RPL37: variants seen among roughly 807,000 people sequenced by gnomAD.
RPL37 encodes the protein ribosomal protein L37.
A neutral mutation model predicts 14.8 loss-of-function variants in RPL37; 1 was observed. The ratio of observed to expected loss-of-function variants is 0.07; its 90% confidence interval spans 0.02 to 0.32. RPL37 has a LOEUF of 0.32. Among genes scored for constraint, RPL37 ranks in the 10% least tolerant of loss-of-function variants. The pLI, the probability that RPL37 is intolerant of heterozygous loss-of-function variation, is 1.00. For synonymous variants in RPL37, 53 were observed against 45.8 expected, an observed-to-expected ratio of 1.16 and a Z score of -0.63; for missense variants, 100 against 128.3, an observed-to-expected ratio of 0.78 and a Z score of 1.06.
intron 1 of RPL37, 32 bp downstream of exon 1, chr5:40,835,151 C>T: frequency 6.2e-7 from 1 of 1,614,002 alleles, no homozygotes; most frequent in Non-Finnish European, 8.5e-7. Context: ...GAGGATGGAA[C>T]GCGATTCACA....
In RPL37 at chr5:40,831,110, C is replaced by G. The variant is rs992461290; in HGVS notation, c.*1394G>C. On this transcript the variant is annotated 3_prime_UTR_variant, in exon 4 of 4. Coordinates refer to ENST00000274242, the MANE Select transcript of RPL37 (RefSeq NM_000997.5). ...TACAAAAAGAATTAGTCGAGTGAAT[C>G]TCCATCTCTACAAAAAACACAAAAA... The G allele has an allele frequency of 6.6e-6, 1 of 152,012 alleles. No homozygotes were observed. Among genetic ancestry groups the G allele is most frequent in the African/African-American group, 2.4e-5 (1 of 41,386 alleles). The allele number at this position is 152,012 out of a possible 1,614,324, so 9.4% of individuals were successfully genotyped here.
At chr5:40,832,821 T>G in intron 3 of RPL37, 1 of 533,268 alleles carries the variant, frequency 1.9e-6, no homozygotes, top group Non-Finnish European at 3.5e-6. Context: ...TATTTGGCTA[T>G]ACTAGTCATT....
Position 40,831,106 on chromosome 5 carries a change from G to C in RPL37, c.*1398C>G, listed in dbSNP as rs1258565311. 1 of 152,060 alleles carries C rather than the reference G, an allele frequency of 6.6e-6. No individual in the cohort carries two copies. Among genetic ancestry groups the C allele is most frequent in the African/African-American group, 2.4e-5 (1 of 41,404 alleles). 9.4% of individuals were successfully genotyped at this position (152,060 alleles called of 1,614,324 possible). A position where few individuals can be genotyped will look rare whatever the true frequency, so the allele number is the denominator to read the frequency against. On this transcript the variant is annotated 3_prime_UTR_variant, in exon 4 of 4. Transcript: ENST00000274242. Reference sequence around the variant, plus strand: ...AGAATACAAAAAGAATTAGTCGAGTGAATCTCCATCTCTACAAAAAACACA... The same window carrying C: ...AGAATACAAAAAGAATTAGTCGAGTCAATCTCCATCTCTACAAAAAACACA...
At position 40,826,504 on chromosome 5, in the gene RPL37, A is replaced by G. The variant is rs972803702; in HGVS notation, c.*6000T>C. Reference sequence around the variant, plus strand: ...TAAGTGCTCAATTCAGCCTTCTTGGACAAAGGAGTTACTACCTTCTACTTT... The same window carrying G: ...TAAGTGCTCAATTCAGCCTTCTTGGGCAAAGGAGTTACTACCTTCTACTTT... On this transcript the variant is annotated 3_prime_UTR_variant, in exon 4 of 4. Transcript: ENST00000274242. 3 of 150,464 alleles carry G rather than the reference A, an allele frequency of 2.0e-5. No homozygotes were observed. Among genetic ancestry groups the G allele is most frequent in the African/African-American group, 7.3e-5 (3 of 41,266 alleles). The allele number at this position is 150,464 out of a possible 1,614,324, so 9.3% of individuals were successfully genotyped here.
rs16870378 is a variant in RPL37, at chr5:40,830,961, T to C, written c.*1543A>G. ...CTATCTTCACTTGAAAATTTGATGA[T>C]GACAGCCGGGAGTGGTGGCTCACGC... is the stretch of plus-strand genomic sequence containing the variant. On this transcript the variant is annotated 3_prime_UTR_variant, in exon 4 of 4. Transcript: ENST00000274242. The C allele has an allele frequency of 0.17, 25,248 of 151,348 alleles. 2,238 individuals carry two copies. The highest frequency in any genetic ancestry group is 0.24 in the East Asian group (1,194 of 5,020). 9.4% of individuals were successfully genotyped at this position (151,348 alleles called of 1,614,324 possible).
chr5:40,834,575 C>A lies in RPL37; in HGVS notation c.35G>T (p.Arg12Leu). The A allele has an allele frequency of 1.2e-6, 2 of 1,613,600 alleles. No individual in the cohort carries two copies. The highest frequency in any genetic ancestry group is 1.7e-6 in the Non-Finnish European group (2 of 1,179,892). ...GCGGCACAACGTGTGCGTCTTATTGCGACGCTTTCCAAACGATGACGTTCC... is the reference window on the plus strand; with the variant it reads ...GCGGCACAACGTGTGCGTCTTATTGAGACGCTTTCCAAACGATGACGTTCC... ...TKGTSSFGKR[R>L]NKTHTLCRRC... Residue 12 changes from arginine to leucine, a missense_variant, in exon 2 of 4, where the codon CGC (arginine) becomes CTC (leucine). By Grantham distance (102) the Arg-to-Leu change is moderately radical. This residue lies in a region of RPL37 where 26 missense variants were observed against 58.3 expected (regional missense o/e 0.45). Coordinates refer to ENST00000274242, the MANE Select transcript of RPL37 (RefSeq NM_000997.5).
chr5:40,835,135 A>G lies in RPL37; in HGVS notation c.3+48T>C, dbSNP rs1028471871. 1.9e-6 allele frequency: 3 copies of G among 1,613,538 alleles called. No homozygotes were observed. The African/African-American group carries it at 4.0e-5, about 22-fold the overall frequency. On this transcript the variant is annotated intron_variant, in intron 1 of 3. Coordinates refer to ENST00000274242, the MANE Select transcript of RPL37 (RefSeq NM_000997.5). ...CAAGCACAGCAAACAGAGAGGCACA[A>G]AGGACGAGGATGGAACGCGATTCAC...
Position 40,835,174 on chromosome 5 carries a change from A to C in RPL37, c.3+9T>G. 6.2e-7 allele frequency: 1 copy of C among 1,614,162 alleles called. No homozygotes were observed. Reference sequence around the variant, plus strand: ...AACGCGATTCACAAACACCACAGTCACAACTCACCATCTCGCTTCTGCGGC... The same window carrying C: ...AACGCGATTCACAAACACCACAGTCCCAACTCACCATCTCGCTTCTGCGGC... On this transcript the variant is annotated intron_variant, in intron 1 of 3. Coordinates refer to ENST00000274242, the MANE Select transcript of RPL37 (RefSeq NM_000997.5).
At position 40,834,515 on chromosome 5, in the gene RPL37, G is replaced by A; in HGVS notation, c.95C>T (p.Ser32Leu). Residue 32 changes from serine (S) to leucine (L), a missense_variant, in exon 2 of 4, where the codon TCG (serine) becomes TTG (leucine). Ser to Leu is a moderately radical substitution (Grantham distance 145, BLOSUM62 -2). This residue lies in a region of RPL37 where 26 missense variants were observed against 58.3 expected (regional missense o/e 0.45). Coordinates refer to ENST00000274242, the MANE Select transcript of RPL37 (RefSeq NM_000997.5). ...CGSKAYHLQKSTCGKCGYPAK... is the reference protein window; with the variant it reads ...CGSKAYHLQKLTCGKCGYPAK... ...AGGGTAGCCACATTTGCCACAGGTC[G>A]ACTTCTGAAGGTGGTAGGCCTTAGA... 6.2e-7 allele frequency: 1 copy of A among 1,614,014 alleles called. No individual in the cohort carries two copies. Among genetic ancestry groups the A allele is most frequent in the Non-Finnish European group, 8.5e-7 (1 of 1,180,012 alleles).
Position 40,832,372 on chromosome 5 carries a change from A to G in RPL37, c.*132T>C. 1 of 802,302 alleles carries G rather than the reference A, an allele frequency of 1.2e-6. No individual in the cohort carries two copies. The highest frequency in any genetic ancestry group is 1.4e-5 in the South Asian group (1 of 71,938). 49.7% of individuals were successfully genotyped at this position (802,302 alleles called of 1,614,324 possible). A position where few individuals can be genotyped will look rare whatever the true frequency, so the allele number is the denominator to read the frequency against. ...CACTTAACAAGTAAATCTGATATGA[A>G]GCTAGCCCAGTCCCTAAACCTACAG... On this transcript the variant is annotated 3_prime_UTR_variant, in exon 4 of 4. Transcript: ENST00000274242.
At chr5:40,833,627 C>T (rs1188222737) in intron 3 of RPL37, among the ~76,000 whole-genome samples, 1 of 152,196 alleles carries the variant, frequency 6.6e-6, no homozygotes, top group African/African-American at 2.4e-5. Context: ...AGCCTGACTC[C>T]AGACCTTATT....
At chr5:40,835,024 A>G (rs1052324197) in intron 1 of RPL37, 159 bp downstream of exon 1, 20 of 910,632 alleles carry the variant, frequency 2.2e-5, no homozygotes, top group Non-Finnish European at 3.3e-5. Context: ...GGCACCAGTT[A>G]GCAGTCATTC....
rs1745660898 is a variant in RPL37, at chr5:40,832,415, A to C, written c.*89T>G. 1 of 1,096,878 alleles carries C rather than the reference A, an allele frequency of 9.1e-7. No homozygotes were observed. Among genetic ancestry groups the C allele is most frequent in the Non-Finnish European group, 1.4e-6 (1 of 710,862 alleles). The allele number at this position is 1,096,878 out of a possible 1,614,324, so 67.9% of individuals were successfully genotyped here. On this transcript the variant is annotated 3_prime_UTR_variant, in exon 4 of 4. Coordinates refer to ENST00000274242, the MANE Select transcript of RPL37 (RefSeq NM_000997.5). ...ACCTACAGTATTTCACTGATACTAC[A>C]AGCCTAATTGATTAAAAATACCTTA... is the stretch of plus-strand genomic sequence containing the variant.
At chr5:40,832,682 CA>C (rs1561208317) in intron 3 of RPL37, 109 bp from the exon 4 acceptor site, 1 of 821,608 alleles carries the variant, frequency 1.2e-6, no homozygotes, top group African/African-American at 1.7e-5. Context: ...ATGCTGAAAT[CA>C]ATACTGCATT....
At position 40,829,428 on chromosome 5, in the gene RPL37, A is replaced by AC. The variant is rs1363750196; in HGVS notation, c.*3075dup. On this transcript the variant is annotated 3_prime_UTR_variant, in exon 4 of 4. Transcript: ENST00000274242. Reference sequence around the variant, plus strand: ...TGAATTCTTTTCTTACCAACCCTACACCCCATCCTTCTAACCTGACAACCA... The same window carrying AC: ...TGAATTCTTTTCTTACCAACCCTACACCCCCATCCTTCTAACCTGACAACCA... The AC allele has an allele frequency of 1.3e-5, 2 of 151,922 alleles. No individual in the cohort carries two copies. Among genetic ancestry groups the AC allele is most frequent in the Admixed American group, 6.6e-5 (1 of 15,234 alleles). 9.4% of individuals were successfully genotyped at this position (151,922 alleles called of 1,614,324 possible).
Position 40,832,320 on chromosome 5 carries a change from G to C in RPL37, c.*184C>G, listed in dbSNP as rs1353961304. On this transcript the variant is annotated 3_prime_UTR_variant, in exon 4 of 4. Coordinates refer to ENST00000274242, the MANE Select transcript of RPL37 (RefSeq NM_000997.5). ...TGCCTTTAACCGTGTTACAAACCCA[G>C]TCCAAAAGTAAACATTCCAAAACAG... The C allele has an allele frequency of 3.1e-6, 2 of 646,412 alleles. No individual in the cohort carries two copies. Among genetic ancestry groups the C allele is most frequent in the African/African-American group, 3.6e-5 (2 of 55,330 alleles). 40.0% of individuals were successfully genotyped at this position (646,412 alleles called of 1,614,324 possible).
chr5:40,829,893 T>A lies in RPL37; in HGVS notation c.*2611A>T, dbSNP rs1745603199. 1 of 152,158 alleles carries A rather than the reference T, an allele frequency of 6.6e-6. No homozygotes were observed. The highest frequency in any genetic ancestry group is 2.1e-4 in the South Asian group (1 of 4,818). The allele number at this position is 152,158 out of a possible 1,614,324, so 9.4% of individuals were successfully genotyped here. ...TTTCTCCATGTTGGTCAGGCTGGTCTCGAACTCCCCACCTCACGTGAACTG... is the reference window on the plus strand; with the variant it reads ...TTTCTCCATGTTGGTCAGGCTGGTCACGAACTCCCCACCTCACGTGAACTG... On this transcript the variant is annotated 3_prime_UTR_variant, in exon 4 of 4. Coordinates refer to ENST00000274242, the MANE Select transcript of RPL37 (RefSeq NM_000997.5).
In RPL37 at chr5:40,831,298, A is replaced by G. The variant is rs1041665544; in HGVS notation, c.*1206T>C. ...AGGCAATGGCAATTGGACTCTAACC[A>G]TACATCTTTAAAGTATAGTCTCACA... On this transcript the variant is annotated 3_prime_UTR_variant, in exon 4 of 4. Transcript: ENST00000274242. 2 of 152,378 alleles carry G rather than the reference A, an allele frequency of 1.3e-5. No homozygotes were observed. The highest frequency in any genetic ancestry group is 3.7e-4 in the East Asian group (2 of 5,334). The allele number at this position is 152,378 out of a possible 1,614,324, so 9.4% of individuals were successfully genotyped here.
At position 40,826,510 on chromosome 5, in the gene RPL37, G is replaced by C. The variant is rs922575126; in HGVS notation, c.*5994C>G. ...CTCAATTCAGCCTTCTTGGACAAAG[G>C]AGTTACTACCTTCTACTTTGAAACC... On this transcript the variant is annotated 3_prime_UTR_variant, in exon 4 of 4. Coordinates refer to ENST00000274242, the MANE Select transcript of RPL37 (RefSeq NM_000997.5). 1.4e-5 allele frequency: 2 copies of C among 147,080 alleles called. No homozygotes were observed. Among genetic ancestry groups the C allele is most frequent in the African/African-American group, 4.9e-5 (2 of 40,710 alleles). 9.1% of individuals were successfully genotyped at this position (147,080 alleles called of 1,614,324 possible).
Sources: gnomAD v4.1 joint callset for allele counts (sites outside exome capture counted in the v4.1 genomes callset) on GRCh38, gnomAD v4.1.1 for gene constraint, gnomAD v4.1.1 regional missense constraint, MANE v1.5 for transcripts, NCBI Gene and HGNC (gene_info 2026-07-23, HGNC 2026-07-21) for gene names.